Variants in EVI5 observed in about 807,000 individuals in gnomAD.
EVI5 encodes the protein ecotropic viral integration site 5.
A neutral mutation model predicts 112.0 loss-of-function variants in EVI5; 73 were observed. The observed-to-expected ratio is 0.65, with a 90% confidence interval of 0.54 to 0.79. EVI5 has a LOEUF of 0.79. Ranked by LOEUF, EVI5 falls within the 30% of genes least tolerant of loss-of-function variation. The pLI is 0.00. For missense variants in EVI5, 900 were observed against 968.8 expected (o/e 0.93, Z 0.94); for synonymous variants, 305 against 319.9 (o/e 0.95, Z 0.50).
chr1:92,604,241 TC>T, intron 18 of EVI5, among the ~76,000 whole-genome samples: 1 of 151,798 alleles, frequency 6.6e-6, no homozygotes, highest in East Asian at 1.9e-4. Flanking sequence ...GTGCCTGTAG[TC>T]CCAGGTACTC....
chr1:92,551,058 T>TTTTTTTTTTC, intron 19 of EVI5, among the ~76,000 whole-genome samples: 1 of 134,744 alleles, frequency 7.4e-6, no homozygotes, highest in Non-Finnish European at 1.6e-5. Flanking sequence ...TTTTTTTTTT[T>TTTTTTTTTTC]TTGAGACTTA....
Position 92,607,690 on chromosome 1 carries a change from T to C in EVI5, c.1865A>G (p.Gln622Arg). The change falls in exon 17 of 20, where the codon CAA becomes CGA. Residue 622 changes from glutamine to arginine, a missense_variant. Gln to Arg is a conservative substitution (Grantham distance 43, BLOSUM62 1). Coordinates refer to ENST00000684568, the MANE Select transcript of EVI5 (RefSeq NM_001350197.2). Reference sequence around the variant, plus strand: ...TTTCTCCTGTAGGCTAATCACCTCTTGTTCTGCTCTTCGAAGATGGTTACT... The same window carrying C: ...TTTCTCCTGTAGGCTAATCACCTCTCGTTCTGCTCTTCGAAGATGGTTACT... ...INSNHLRRAE[Q>R]EVISLQEKVQ... The C allele has an allele frequency of 6.2e-7, 1 of 1,604,994 alleles. No individual in the cohort carries two copies. Among genetic ancestry groups the C allele is most frequent in the South Asian group, 1.1e-5 (1 of 89,152 alleles).
intron 13 of EVI5, among the ~76,000 whole-genome samples, chr1:92,649,433 C>T (rs1216740901): frequency 6.6e-6 from 1 of 152,184 alleles, no homozygotes; most frequent in African/African-American, 2.4e-5. Flanking sequence ...ATATCTAAAA[C>T]CACTGACAAA....
At chr1:92,698,705 C>T (rs771616131) in intron 5 of EVI5, among the ~76,000 whole-genome samples, 2 of 152,076 alleles carry the variant, frequency 1.3e-5, no homozygotes, top group African/African-American at 2.4e-5. Flanking sequence ...GTAAGGATTT[C>T]GACTTTTACC....
At chr1:92,681,080 A>G (rs1667507806) in intron 9 of EVI5, among the ~76,000 whole-genome samples, 1 of 152,218 alleles carries the variant, frequency 6.6e-6, no homozygotes, top group South Asian at 2.1e-4. Context: ...TGTGGATTAG[A>G]TAATAGTATT....
At chr1:92,709,464 A>C (rs1672513150) in intron 2 of EVI5, among the ~76,000 whole-genome samples, 1 of 152,200 alleles carries the variant, frequency 6.6e-6, no homozygotes, top group African/African-American at 2.4e-5. Flanking sequence ...TGAACTTTTT[A>C]AAACCGTAAC....
intron 2 of EVI5, among the ~76,000 whole-genome samples, chr1:92,726,726 A>C (rs1302103856): frequency 6.6e-6 from 1 of 152,188 alleles, no homozygotes; most frequent in Non-Finnish European, 1.5e-5. Context: ...AAAATAATGT[A>C]GTGTAGAGTT....
chr1:92,774,847 T>G (rs7513815), intron 1 of EVI5, among the ~76,000 whole-genome samples: 139,959 of 152,238 alleles, frequency 0.92, 64,412 homozygotes, highest in East Asian at 0.97. Context: ...TCTCTTGAAG[T>G]AAACAGCTAA....
chr1:92,575,078 A>C (rs752270030), intron 18 of EVI5, among the ~76,000 whole-genome samples: 1 of 152,192 alleles, frequency 6.6e-6, no homozygotes, highest in African/African-American at 2.4e-5. Context: ...GCAAATATAA[A>C]AGCATCGAGT....
chr1:92,639,870 A>T (rs1224888887), intron 13 of EVI5, among the ~76,000 whole-genome samples: 3 of 152,184 alleles, frequency 2.0e-5, no homozygotes, highest in Admixed American at 6.5e-5. Context: ...TTCAAACTAT[A>T]CTACAAGGCT....
intron 19 of EVI5, among the ~76,000 whole-genome samples, chr1:92,537,682 G>A (rs1393120228): frequency 1.3e-5 from 2 of 151,500 alleles, no homozygotes; most frequent in African/African-American, 4.8e-5. Flanking sequence ...ATGATTTCCA[G>A]AGAATCAGAA....
chr1:92,669,374 C>T (rs1267903582), intron 10 of EVI5, among the ~76,000 whole-genome samples: 1 of 151,494 alleles, frequency 6.6e-6, no homozygotes. Flanking sequence ...ATGGCAAAAC[C>T]CCATCTCTAC....
chr1:92,619,593 A>G (rs1209558353), intron 16 of EVI5, among the ~76,000 whole-genome samples: 1 of 151,946 alleles, frequency 6.6e-6, no homozygotes, highest in African/African-American at 2.4e-5. Context: ...GATAGGTAAT[A>G]GCAGAAAAAT....
At chr1:92,542,909 T>C (rs1665062528) in intron 19 of EVI5, among the ~76,000 whole-genome samples, 1 of 152,230 alleles carries the variant, frequency 6.6e-6, no homozygotes, top group Non-Finnish European at 1.5e-5. Context: ...ATATTTATTT[T>C]ACCATGCTGT....
At chr1:92,767,295 T>C (rs921146986) in intron 1 of EVI5, among the ~76,000 whole-genome samples, 1 of 152,216 alleles carries the variant, frequency 6.6e-6, no homozygotes, top group Non-Finnish European at 1.5e-5. Context: ...TTTTACTTAA[T>C]AATATTTGAC....
intron 14 of EVI5, among the ~76,000 whole-genome samples, chr1:92,626,375 C>T (rs1655664821): frequency 6.6e-6 from 1 of 152,044 alleles, no homozygotes; most frequent in Non-Finnish European, 1.5e-5. Flanking sequence ...TTTTTTTATG[C>T]CAAATGATAT....
At chr1:92,766,138 T>TAATAA (rs1350800032) in intron 1 of EVI5, among the ~76,000 whole-genome samples, 1 of 146,338 alleles carries the variant, frequency 6.8e-6, no homozygotes, top group African/African-American at 2.5e-5. Flanking sequence ...ATAATAATAA[T>TAATAA]TAATAAAATA....
intron 2 of EVI5, among the ~76,000 whole-genome samples, chr1:92,714,672 C>T (rs1450374646): frequency 3.9e-5 from 6 of 152,164 alleles, no homozygotes; most frequent in Non-Finnish European, 5.9e-5. Flanking sequence ...TCACTGCAAC[C>T]TTAAATTTCT....
intron 18 of EVI5, among the ~76,000 whole-genome samples, chr1:92,571,539 CTTG>C (rs1466421728): frequency 3.3e-5 from 5 of 152,056 alleles, no homozygotes; most frequent in Non-Finnish European, 5.9e-5. Context: ...CTCATTTAAA[CTTG>C]TTAATTCAAA....
Sources: allele counts gnomAD v4.1 joint callset (sites outside exome capture counted in the v4.1 genomes callset), GRCh38; gene constraint gnomAD v4.1.1; transcripts MANE v1.5; gene names NCBI Gene and HGNC (gene_info 2026-07-23, HGNC 2026-07-21).